Variants in FAM135B observed in about 807,000 individuals in gnomAD.
FAM135B encodes family with sequence similarity 135 member B.
Under a neutral mutation model 127.7 loss-of-function variants are expected in FAM135B, and 43 were observed. The ratio of observed to expected loss-of-function variants is 0.34; its 90% CI spans 0.26 to 0.43. The LOEUF (loss-of-function observed/expected upper bound fraction) is 0.43. Among genes scored for constraint, FAM135B ranks in the 20% least tolerant of loss-of-function variants. The pLI is 1.00. For missense variants in FAM135B, 1,558 were observed against 1,725.6 expected (o/e 0.90, Z 1.72); for synonymous variants, 670 against 665.1 (o/e 1.01, Z -0.11).
chr8:138,395,576 T>C (rs1219217789), intron 1 of FAM135B, among the ~76,000 whole-genome samples: 1 of 152,212 alleles, frequency 6.6e-6, no homozygotes, highest in African/African-American at 2.4e-5. Context: ...ATTAATTTAG[T>C]CTTTCTAGGT....
At chr8:138,450,835 C>T (rs536516262) in intron 1 of FAM135B, 6 of 152,266 alleles carry the variant, frequency 3.9e-5, no homozygotes, top group Non-Finnish European at 7.4e-5. Flanking sequence ...TGCAAAAATG[C>T]AGACATTTAT....
chr8:138,390,844 G>A (rs533769355), intron 1 of FAM135B, among the ~76,000 whole-genome samples: 2 of 152,266 alleles, frequency 1.3e-5, no homozygotes, highest in South Asian at 4.1e-4. Context: ...TAGAAGCAGA[G>A]CTGAGCTCTG....
intron 12 of FAM135B, 91 bp downstream of exon 12, chr8:138,167,804 A>C: frequency 7.1e-7 from 1 of 1,415,344 alleles, no homozygotes; most frequent in South Asian, 1.5e-5. Flanking sequence ...ATTTGGTCTC[A>C]CTTTTGCTGG....
chr8:138,218,198 T>C (rs79690881), intron 7 of FAM135B, among the ~76,000 whole-genome samples: 2,768 of 152,270 alleles, frequency 0.018, 87 homozygotes, highest in African/African-American at 0.059. Context: ...AAAATGTCTG[T>C]GCATATGAGC....
At chr8:138,361,021 G>C (rs2131176450) in intron 2 of FAM135B, among the ~76,000 whole-genome samples, 1 of 151,764 alleles carries the variant, frequency 6.6e-6, no homozygotes, top group South Asian at 2.1e-4. Context: ...CACTTCCCTG[G>C]TTCAAGCAAT....
intron 2 of FAM135B, among the ~76,000 whole-genome samples, chr8:138,321,607 C>G (rs539763920): frequency 9.2e-5 from 14 of 152,226 alleles, no homozygotes; most frequent in African/African-American, 3.4e-4. Flanking sequence ...TCCCTGTGCT[C>G]AAGGTCCTCA....
intron 2 of FAM135B, among the ~76,000 whole-genome samples, chr8:138,321,140 G>A (rs1827428785): frequency 6.6e-6 from 1 of 152,122 alleles, no homozygotes; most frequent in Non-Finnish European, 1.5e-5. Context: ...TTCCTCATGG[G>A]CGAGGAAAGC....
intron 7 of FAM135B, among the ~76,000 whole-genome samples, chr8:138,223,430 C>T (rs536743597): frequency 6.6e-6 from 1 of 152,284 alleles, no homozygotes; most frequent in African/African-American, 2.4e-5. Context: ...CCTCCTAAAC[C>T]AGCCAGGAGT....
At chr8:138,458,395 T>A (rs1446894096) in intron 1 of FAM135B, among the ~76,000 whole-genome samples, 2 of 152,190 alleles carry the variant, frequency 1.3e-5, no homozygotes, top group Non-Finnish European at 2.9e-5. Flanking sequence ...AAGATGGAGA[T>A]CTGAAGTAAG....
At chr8:138,200,279 G>C (rs1817003806) in intron 7 of FAM135B, among the ~76,000 whole-genome samples, 1 of 152,150 alleles carries the variant, frequency 6.6e-6, no homozygotes, top group African/African-American at 2.4e-5. Context: ...TCAACCAACT[G>C]CCCTGTCTGT....
chr8:138,306,733 C>A (rs1826293211), intron 3 of FAM135B, among the ~76,000 whole-genome samples: 1 of 152,016 alleles, frequency 6.6e-6, no homozygotes, highest in Non-Finnish European at 1.5e-5. Context: ...CAGGTGTGCA[C>A]CACCACGCCT....
intron 1 of FAM135B, among the ~76,000 whole-genome samples, chr8:138,493,994 A>G (rs145836027): frequency 1.2e-5 from 1 of 80,290 alleles, no homozygotes; most frequent in East Asian, 2.9e-4. Context: ...CGAGAAAAAG[A>G]TATTTCAAGT....
intron 3 of FAM135B, among the ~76,000 whole-genome samples, chr8:138,291,127 T>G (rs535911262): frequency 6.7e-4 from 102 of 152,294 alleles, no homozygotes; most frequent in African/African-American, 1.8e-3. Context: ...AAACACCACA[T>G]GCAGAGCTAG....
At chr8:138,302,498 T>G (rs1028019) in intron 3 of FAM135B, among the ~76,000 whole-genome samples, 1 of 152,144 alleles carries the variant, frequency 6.6e-6, no homozygotes, top group Admixed American at 6.5e-5. Context: ...TGGAGCCTTA[T>G]CCCCTAGGGA....
At position 138,496,819 on chromosome 8, in the gene FAM135B, T is replaced by C. The variant is rs1233192674; in HGVS notation, c.-168A>G. 6.7e-6 allele frequency: 1 copy of C among 150,046 alleles called. No homozygotes were observed. The highest frequency in any genetic ancestry group is 1.5e-5 in the Non-Finnish European group (1 of 67,776). The allele number at this position is 150,046 out of a possible 1,614,324, so 9.3% of individuals were successfully genotyped here. A position where few individuals can be genotyped will look rare whatever the true frequency, so the allele number is the denominator to read the frequency against. ...GGAGTCCGCAGCACCTGCGAGCTGG[T>C]GTTGGGTCCCCGCGGCGAGGCTGCC... On this transcript the variant is annotated 5_prime_UTR_variant, in exon 1 of 20. Transcript: ENST00000395297.
At chr8:138,268,389 T>A (rs1462793127) in intron 3 of FAM135B, among the ~76,000 whole-genome samples, 2 of 152,188 alleles carry the variant, frequency 1.3e-5, no homozygotes, top group Non-Finnish European at 2.9e-5. Context: ...AATGGGTATT[T>A]ACTGAAAGTC....
At chr8:138,156,416 G>C (rs144017267) in intron 12 of FAM135B, among the ~76,000 whole-genome samples, 23,398 of 152,102 alleles carry the variant, frequency 0.15, 2,220 homozygotes, top group African/African-American at 0.26. Flanking sequence ...ACATTCAAAA[G>C]CTAGCAGAAG....
At chr8:138,446,303 A>T (rs1276075870) in intron 1 of FAM135B, among the ~76,000 whole-genome samples, 1 of 152,166 alleles carries the variant, frequency 6.6e-6, no homozygotes, top group Admixed American at 6.6e-5. Flanking sequence ...GGAAAAAACT[A>T]CTTTCAAGTT....
At chr8:138,175,088 C>G (rs1814317102) in intron 11 of FAM135B, among the ~76,000 whole-genome samples, 1 of 152,200 alleles carries the variant, frequency 6.6e-6, no homozygotes, top group Non-Finnish European at 1.5e-5. Flanking sequence ...ACAAGCATTA[C>G]AAGTTACAGA....
Sources: gnomAD v4.1 joint callset for allele counts (sites outside exome capture counted in the v4.1 genomes callset) on GRCh38, gnomAD v4.1.1 for gene constraint, MANE v1.5 for transcripts, NCBI Gene and HGNC (gene_info 2026-07-23, HGNC 2026-07-21) for gene names.